RMDN2: variants seen among roughly 807,000 people sequenced by gnomAD.
The protein encoded by RMDN2 is regulator of microtubule dynamics protein 2.
In RMDN2, 61 loss-of-function variants were observed where a neutral mutation model predicts 52.8. That is an observed-to-expected ratio of 1.16 (90% CI 0.94 to 1.43). RMDN2 has a LOEUF of 1.43. Among genes scored for constraint, RMDN2 ranks in the 40% most tolerant of loss-of-function variants. The pLI is 0.00. For missense variants in RMDN2, 592 were observed against 475.3 expected (o/e 1.25, Z -2.28); for synonymous variants, 180 against 153.1 (o/e 1.18, Z -1.30).
intron 10 of RMDN2, among the ~76,000 whole-genome samples, chr2:38,044,649 ATTCT>A (rs1267834570): frequency 6.6e-6 from 1 of 151,056 alleles, no homozygotes; most frequent in Non-Finnish European, 1.5e-5. Flanking sequence ...AAGGTCAGTG[ATTCT>A]TTACTTGGTT....
At chr2:37,961,602 A>G (rs1670249130) in intron 2 of RMDN2, among the ~76,000 whole-genome samples, 1 of 151,818 alleles carries the variant, frequency 6.6e-6, no homozygotes, top group Non-Finnish European at 1.5e-5. Flanking sequence ...ATCTTTTATC[A>G]AAGTTCTTAG....
chr2:37,949,602 A>T (rs773167826), intron 2 of RMDN2, among the ~76,000 whole-genome samples: 1 of 152,188 alleles, frequency 6.6e-6, no homozygotes, highest in Admixed American at 6.5e-5. Flanking sequence ...ACTAAAATCA[A>T]ATTACAAATC....
At chr2:37,950,477 G>T (rs567101046) in intron 2 of RMDN2, 1 of 1,611,894 alleles carries the variant, frequency 6.2e-7, no homozygotes, top group South Asian at 1.1e-5. Context: ...TGCAGCTTGA[G>T]CATTCAGTCT....
At chr2:38,006,549 G>A (rs1311448775) in intron 10 of RMDN2, among the ~76,000 whole-genome samples, 3 of 152,142 alleles carry the variant, frequency 2.0e-5, no homozygotes, top group Non-Finnish European at 4.4e-5. Flanking sequence ...TTTGCACATT[G>A]ATTTTGTATC....
intron 10 of RMDN2, among the ~76,000 whole-genome samples, chr2:38,045,548 A>G (rs1274725671): frequency 1.3e-5 from 2 of 152,192 alleles, no homozygotes; most frequent in Non-Finnish European, 2.9e-5. Context: ...TCCTCTTCCC[A>G]ACCACCCTCC....
At chr2:38,004,276 C>T (rs1016335722) in intron 10 of RMDN2, 60 bp downstream of exon 10, 1 of 1,106,572 alleles carries the variant, frequency 9.0e-7, no homozygotes, top group Non-Finnish European at 1.4e-6. Context: ...GAGCTCAAAA[C>T]AGGAATAACT....
chr2:37,976,758 T>C (rs998305638), intron 4 of RMDN2, among the ~76,000 whole-genome samples: 2 of 152,210 alleles, frequency 1.3e-5, no homozygotes, highest in Admixed American at 1.3e-4. Flanking sequence ...CAAGGGGATT[T>C]ATTTTCATAT....
At chr2:38,003,604 G>GGCAGACAGA (rs1306774545) in intron 8 of RMDN2, among the ~76,000 whole-genome samples, 4,120 of 102,200 alleles carry the variant, frequency 0.04, 79 homozygotes, top group Non-Finnish European at 0.057. Context: ...AGATAGATAG[G>GGCAGACAGA]CAGACAGACA....
At chr2:37,930,777 G>A (rs1666668084) in intron 2 of RMDN2, among the ~76,000 whole-genome samples, 1 of 152,202 alleles carries the variant, frequency 6.6e-6, no homozygotes, top group Non-Finnish European at 1.5e-5. Flanking sequence ...GAGACAGAGG[G>A]GAGAGTGAGC....
chr2:38,034,301 C>T (rs904920419), intron 10 of RMDN2, among the ~76,000 whole-genome samples: 2 of 152,188 alleles, frequency 1.3e-5, no homozygotes, highest in African/African-American at 4.8e-5. Context: ...CATAGGCTCA[C>T]CCTCTACCAC....
chr2:38,048,820 T>C (rs1681425567), intron 10 of RMDN2, among the ~76,000 whole-genome samples: 1 of 152,190 alleles, frequency 6.6e-6, no homozygotes, highest in Non-Finnish European at 1.5e-5. Context: ...TGTCGCAACT[T>C]AGAGGCAGGG....
At chr2:37,990,649 G>T (rs1003948468) in intron 6 of RMDN2, among the ~76,000 whole-genome samples, 4 of 151,396 alleles carry the variant, frequency 2.6e-5, no homozygotes, top group African/African-American at 9.7e-5. Context: ...TCCAATGTAG[G>T]ATTTAAGTTT....
At chr2:38,040,062 T>G (rs1680861109) in intron 10 of RMDN2, among the ~76,000 whole-genome samples, 1 of 147,634 alleles carries the variant, frequency 6.8e-6, no homozygotes, top group Non-Finnish European at 1.5e-5. Flanking sequence ...ATTATTATTA[T>G]TATTATTATT....
At chr2:38,030,294 T>C (rs1408039760) in intron 10 of RMDN2, 1 of 152,230 alleles carries the variant, frequency 6.6e-6, no homozygotes, top group African/African-American at 2.4e-5. Flanking sequence ...CATATGAAGG[T>C]TAATCATTGT....
At position 37,958,035 on chromosome 2, in the gene RMDN2, T is replaced by C. The variant is rs149442003; in HGVS notation, c.453-16005T>C. Reference sequence around the variant, plus strand: ...GTTTTGGTACCAGTACCATGCTGTTTTGGTTACTGTAGCCTTGTAGTGTAG... The same window carrying C: ...GTTTTGGTACCAGTACCATGCTGTTCTGGTTACTGTAGCCTTGTAGTGTAG... On this transcript the variant is annotated intron_variant, in intron 2 of 10. Transcript: ENST00000354545. Among the ~76,000 whole-genome samples the C allele has an allele frequency of 1.8e-3, 271 of 152,342 alleles. 4 individuals carry two copies. In the East Asian group the frequency reaches 0.044, roughly 25 times the overall value.
intron 2 of RMDN2, among the ~76,000 whole-genome samples, chr2:37,948,551 T>C (rs928035029): frequency 1.3e-5 from 2 of 152,164 alleles, no homozygotes; most frequent in African/African-American, 4.8e-5. Context: ...TTTTAGATGC[T>C]TGTCATTATA....
intron 2 of RMDN2, among the ~76,000 whole-genome samples, chr2:37,962,413 G>C (rs1441239665): frequency 6.6e-6 from 1 of 152,208 alleles, no homozygotes; most frequent in Admixed American, 6.5e-5. Flanking sequence ...ATCTAGAGAG[G>C]CAGTCTGGCT....
At chr2:37,984,241 A>T (rs988614174) in intron 5 of RMDN2, among the ~76,000 whole-genome samples, 1 of 152,186 alleles carries the variant, frequency 6.6e-6, no homozygotes, top group Admixed American at 6.5e-5. Flanking sequence ...TTTTTGTTCT[A>T]CTGACAAAAA....
intron 2 of RMDN2, among the ~76,000 whole-genome samples, chr2:37,941,067 T>G (rs559600565): frequency 6.3e-4 from 96 of 152,242 alleles, no homozygotes; most frequent in Non-Finnish European, 1.2e-3. Flanking sequence ...GACGTTCTGA[T>G]GGAGTTTTTG....
Sources: allele counts gnomAD v4.1 joint callset (sites outside exome capture counted in the v4.1 genomes callset), GRCh38; gene constraint gnomAD v4.1.1; transcripts MANE v1.5; gene names NCBI Gene and HGNC (gene_info 2026-07-23, HGNC 2026-07-21).